Variants in SLC36A4 observed in about 807,000 individuals in gnomAD.
SLC36A4 encodes the protein neutral amino acid uniporter 4.
Under a neutral mutation model 50.5 loss-of-function variants are expected in SLC36A4, and 49 were observed. The observed-to-expected ratio is 0.97, with a 90% confidence interval of 0.77 to 1.23. The LOEUF is 1.23. Among genes scored for constraint, SLC36A4 ranks in the 50% most tolerant of loss-of-function variants. The pLI is 0.00. For missense variants in SLC36A4, 611 were observed against 608.4 expected, an observed-to-expected ratio of 1.00 and a Z score of -0.05; for synonymous variants, 207 against 206.5, an observed-to-expected ratio of 1.00 and a Z score of -0.02.
At chr11:93,149,098 T>A (rs1307594496) in intron 10 of SLC36A4, among the ~76,000 whole-genome samples, 1 of 152,062 alleles carries the variant, frequency 6.6e-6, no homozygotes, top group Non-Finnish European at 1.5e-5. Flanking sequence ...AACTTTTAAT[T>A]TTTTGCTTTA....
intron 7 of SLC36A4, chr11:93,166,288 G>A: frequency 8.7e-7 from 1 of 1,153,658 alleles, no homozygotes; most frequent in Non-Finnish European, 1.1e-6. Flanking sequence ...CAAGTCCCAG[G>A]CTGTGAACAC....
At chr11:93,180,738 G>A (rs1475728425) in intron 6 of SLC36A4, 59 bp downstream of exon 6, 2 of 1,136,404 alleles carry the variant, frequency 1.8e-6, no homozygotes, top group East Asian at 4.8e-5. Context: ...GAAGATATAT[G>A]AAGCCATAAC....
At chr11:93,166,287 G>C in intron 7 of SLC36A4, 2 of 1,155,642 alleles carry the variant, frequency 1.7e-6, no homozygotes, top group Non-Finnish European at 1.1e-6. Flanking sequence ...GCAAGTCCCA[G>C]GCTGTGAACA....
chr11:93,177,749 G>A (rs1258545656), intron 6 of SLC36A4, among the ~76,000 whole-genome samples: 1 of 152,126 alleles, frequency 6.6e-6, no homozygotes, highest in African/African-American at 2.4e-5. Flanking sequence ...GTCTCAGAGG[G>A]GGACCCGGCT....
intron 6 of SLC36A4, chr11:93,171,086 A>C (rs1479248584): frequency 1.3e-5 from 2 of 151,806 alleles, no homozygotes; most frequent in East Asian, 3.9e-4. Context: ...ATGCTGCTTC[A>C]GTGACCATCT....
At chr11:93,149,003 G>C (rs1420264102) in intron 10 of SLC36A4, among the ~76,000 whole-genome samples, 159 bp from the exon 11 acceptor site, 1 of 151,934 alleles carries the variant, frequency 6.6e-6, no homozygotes, top group Non-Finnish European at 1.5e-5. Flanking sequence ...GCCATATTTT[G>C]TTCTAAGCTA....
At chr11:93,180,972 T>C in intron 5 of SLC36A4, 91 bp from the exon 6 acceptor site, 1 of 867,478 alleles carries the variant, frequency 1.2e-6, no homozygotes, top group South Asian at 1.5e-5. Flanking sequence ...TAAAACATTT[T>C]ATTATAGCAT....
chr11:93,159,959 G>A, intron 9 of SLC36A4: 15 of 985,374 alleles, frequency 1.5e-5, no homozygotes, highest in Non-Finnish European at 1.8e-5. Flanking sequence ...ACAGTCATTG[G>A]CTTTCATACT....
intron 9 of SLC36A4, among the ~76,000 whole-genome samples, chr11:93,158,428 T>C (rs1191152393): frequency 1.3e-5 from 2 of 152,160 alleles, no homozygotes; most frequent in Non-Finnish European, 2.9e-5. Context: ...TCACATCGGC[T>C]AAGAATCTGG....
At chr11:93,197,393 TG>T (rs1436251143) in intron 1 of SLC36A4, 1 of 259,276 alleles carries the variant, frequency 3.9e-6, no homozygotes, top group Non-Finnish European at 7.4e-6. Context: ...AGATTCCGAA[TG>T]GGGCTGCAGC....
intron 9 of SLC36A4, chr11:93,160,907 C>T: frequency 1.2e-5 from 4 of 327,378 alleles, no homozygotes; most frequent in South Asian, 1.2e-4. Context: ...GTGGTACCAT[C>T]ACAGCTCACT....
Position 93,167,870 on chromosome 11 carries a change from T to C in SLC36A4, c.768+74A>G, listed in dbSNP as rs542541567. On this transcript the variant is annotated intron_variant, in intron 7 of 10. Transcript: ENST00000326402. ...GTAGGGGTCTTTGCATATCATTACT[T>C]TTACCTCCACAGTAAACAAAATTTT... 9 of 907,798 alleles carry C rather than the reference T, an allele frequency of 9.9e-6. No homozygotes were observed. The South Asian group carries it at 1.5e-4, about 15-fold the overall frequency. The allele number at this position is 907,798 out of a possible 1,614,324, so 56.2% of individuals were successfully genotyped here.
chr11:93,185,876 A>C, intron 1 of SLC36A4, 62 bp from the exon 2 acceptor site: 2 of 1,437,542 alleles, frequency 1.4e-6, no homozygotes, highest in Non-Finnish European at 1.9e-6. Flanking sequence ...AAGCTGGTAT[A>C]AATGAATTTC....
rs147137520 is a variant in SLC36A4 at position 93,154,255 on chromosome 11, G to C, written c.1060C>G (p.Leu354Val). The change falls in exon 10 of 11, where the codon CTA becomes GTA. Residue 354 changes from leucine (L) to valine (V), a missense_variant. Physicochemically the swap from Leu to Val is conservative, Grantham distance 32. Coordinates refer to ENST00000326402, the MANE Select transcript of SLC36A4 (RefSeq NM_152313.4). ...GTCACAAAAATGCCAAAGGAATATA[G>C]AATTTTCACTGATTGATATAACCTG... ...DVWLYQSVKI[L>V]YSFGIFVTYS... 7.5e-5 allele frequency: 108 copies of C among 1,446,548 alleles called. No homozygotes were observed. Among genetic ancestry groups the C allele is most frequent in the Non-Finnish European group, 9.1e-5 (99 of 1,092,176 alleles). The allele number at this position is 1,446,548 out of a possible 1,614,324, so 89.6% of individuals were successfully genotyped here.
intron 6 of SLC36A4, among the ~76,000 whole-genome samples, chr11:93,173,442 T>C (rs1385597403): frequency 2.0e-5 from 3 of 148,316 alleles, no homozygotes; most frequent in African/African-American, 7.4e-5. Flanking sequence ...CAGAAGCTCT[T>C]TAGTTTAATT....
chr11:93,148,922 A>G (rs536467473), intron 10 of SLC36A4, 78 bp from the exon 11 acceptor site: 4 of 1,259,130 alleles, frequency 3.2e-6, no homozygotes, highest in South Asian at 1.4e-5. Flanking sequence ...AGTATTTTCA[A>G]TACTGAAAGT....
At chr11:93,178,715 T>C (rs960652545) in intron 6 of SLC36A4, among the ~76,000 whole-genome samples, 13 of 152,206 alleles carry the variant, frequency 8.5e-5, no homozygotes, top group Admixed American at 2.6e-4. Context: ...AAAAGCCATC[T>C]ATGACAAACC....
intron 1 of SLC36A4, 47 bp downstream of exon 1, chr11:93,197,731 C>G: frequency 6.4e-7 from 1 of 1,565,184 alleles, no homozygotes; most frequent in East Asian, 2.4e-5. Flanking sequence ...CCCGCACAGA[C>G]CCCCGCCCAC....
chr11:93,179,486 T>C (rs947353753), intron 6 of SLC36A4, among the ~76,000 whole-genome samples: 116 of 152,272 alleles, frequency 7.6e-4, no homozygotes, highest in African/African-American at 2.6e-3. Flanking sequence ...AAGGAAGACA[T>C]GGAAGGAACA....
Sources: gnomAD v4.1 joint callset for allele counts (sites outside exome capture counted in the v4.1 genomes callset) on GRCh38, gnomAD v4.1.1 for gene constraint, MANE v1.5 for transcripts, NCBI Gene and HGNC (gene_info 2026-07-23, HGNC 2026-07-21) for gene names.